CADM2: variants seen among roughly 807,000 people sequenced by gnomAD.
CADM2 encodes the protein cell adhesion molecule 2.
Under a neutral mutation model 49.8 loss-of-function variants are expected in CADM2, and 12 were observed. That is an observed-to-expected ratio of 0.24 (90% CI 0.15 to 0.39). The LOEUF (loss-of-function observed/expected upper bound fraction) is 0.39, where lower values mean the gene tolerates loss of function less well. Among genes scored for constraint, CADM2 ranks in the 10% least tolerant of loss-of-function variants. The pLI is 1.00. For synonymous variants in CADM2, 214 were observed against 175.4 expected (o/e 1.22, Z -1.74); for missense variants, 378 against 492.3 (o/e 0.77, Z 2.20).
At chr3:85,852,204 C>T (rs2075135020) in intron 3 of CADM2, among the ~76,000 whole-genome samples, 1 of 152,010 alleles carries the variant, frequency 6.6e-6, no homozygotes, top group African/African-American at 2.4e-5. Flanking sequence ...TGCTACTTGG[C>T]CCCTCTACAC....
chr3:85,467,784 T>G (rs1485294588), intron 1 of CADM2, among the ~76,000 whole-genome samples: 1 of 152,158 alleles, frequency 6.6e-6, no homozygotes, highest in African/African-American at 2.4e-5. Flanking sequence ...TTATCTTGTT[T>G]GTACTCCTCA....
rs1028125790 is a variant in CADM2 at position 85,736,702 on chromosome 3, T to A, written c.88+10154T>A. 2.0e-5 allele frequency among the ~76,000 whole-genome samples: 3 copies of A among 152,264 alleles called. No individual in the cohort carries two copies. In the East Asian group the frequency reaches 5.8e-4, roughly 29 times the overall value. The stretch of plus-strand genomic sequence containing the variant: ...TTATTCTAAGAACAATGGGAAGCCA[T>A]TAAGTGGTTTTAAAAGGGAATGGGG... On this transcript the variant is annotated intron_variant, in intron 2 of 9. Coordinates refer to ENST00000383699, the MANE Select transcript of CADM2 (RefSeq NM_001167675.2).
At chr3:85,584,927 C>G (rs1256522422) in intron 1 of CADM2, among the ~76,000 whole-genome samples, 1 of 151,956 alleles carries the variant, frequency 6.6e-6, no homozygotes, top group Non-Finnish European at 1.5e-5. Flanking sequence ...AGAGAATAAA[C>G]CTGAAGAGAG....
intron 1 of CADM2, among the ~76,000 whole-genome samples, chr3:85,331,787 C>A (rs537380607): frequency 6.6e-6 from 1 of 151,986 alleles, no homozygotes; most frequent in East Asian, 1.9e-4. Context: ...GCATTCATTA[C>A]GGCCTGTCTT....
chr3:85,724,396 C>G (rs1460942398), intron 1 of CADM2, among the ~76,000 whole-genome samples: 2 of 151,606 alleles, frequency 1.3e-5, no homozygotes, highest in Non-Finnish European at 3.0e-5. Context: ...AAATTTATGT[C>G]CTGAAGAAAT....
rs1331602009 is a variant in CADM2 at position 86,021,387 on chromosome 3, T to G, written c.971-44218T>G. 3.9e-4 allele frequency among the ~76,000 whole-genome samples: 59 copies of G among 152,314 alleles called. No homozygotes were observed. The South Asian group carries it at 0.012, about 31-fold the overall frequency. ...TTATGTTGCTTCCCGGAGGAATATA[T>G]TTCCTTCTGTCCTATATCAGTGATG... On this transcript the variant is annotated intron_variant, in intron 8 of 9. Transcript: ENST00000383699.
At position 85,541,508 on chromosome 3, in the gene CADM2, TA is replaced by T. The variant is rs2061537264; in HGVS notation, c.62-185007del. Among the ~76,000 whole-genome samples the T allele has an allele frequency of 2.0e-5, 3 of 149,992 alleles. No individual in the cohort carries two copies. In the South Asian group the frequency reaches 6.3e-4, roughly 31 times the overall value. ...AAAGGAAAGATAGGAGAACTTATATTAAAAAAATGACTAGGTACATTACTAC... is the reference window on the plus strand; with the variant it reads ...AAAGGAAAGATAGGAGAACTTATATTAAAAAATGACTAGGTACATTACTAC... On this transcript the variant is annotated intron_variant, in intron 1 of 9. Coordinates refer to ENST00000383699, the MANE Select transcript of CADM2 (RefSeq NM_001167675.2).
chr3:85,892,813 T>C (rs1559725964), intron 5 of CADM2, among the ~76,000 whole-genome samples: 2 of 152,038 alleles, frequency 1.3e-5, no homozygotes, highest in Non-Finnish European at 2.9e-5. Flanking sequence ...GGCAGAAAGA[T>C]AGGGACAGTT....
chr3:85,392,132 C>T (rs1023929036), intron 1 of CADM2, among the ~76,000 whole-genome samples: 7 of 152,018 alleles, frequency 4.6e-5, no homozygotes, highest in African/African-American at 1.7e-4. Flanking sequence ...GATGCCAGGA[C>T]TTTGAAATTA....
chr3:85,156,647 G>C (rs936214715), intron 1 of CADM2, among the ~76,000 whole-genome samples: 2 of 151,882 alleles, frequency 1.3e-5, no homozygotes, highest in Non-Finnish European at 2.9e-5. Flanking sequence ...CATCCTTCAT[G>C]CTAAAAACTC....
intron 1 of CADM2, among the ~76,000 whole-genome samples, chr3:85,549,238 C>A (rs1486495257): frequency 6.6e-6 from 1 of 152,060 alleles, no homozygotes; most frequent in Non-Finnish European, 1.5e-5. Flanking sequence ...GGCAGAGCAA[C>A]CTGCAGAGTT....
In CADM2 at chr3:85,981,410, A is replaced by T. The variant is rs189452541; in HGVS notation, c.970+19763A>T. Among the ~76,000 whole-genome samples, 472 of 151,642 alleles carry T rather than the reference A, an allele frequency of 3.1e-3. 1 individual carries two copies. Among genetic ancestry groups the T allele is most frequent in the Non-Finnish European group, 5.0e-3 (337 of 67,724 alleles). ...ACATGTAGAAATTTGTTACATTGGT[A>T]AACTAAATGTTGCTGGGATTTGGTG... On this transcript the variant is annotated intron_variant, in intron 8 of 9. Coordinates refer to ENST00000383699, the MANE Select transcript of CADM2 (RefSeq NM_001167675.2).
rs1489144210 is a variant in CADM2, at chr3:85,316,366, T to A, written c.61+356698T>A. Among the ~76,000 whole-genome samples, 4 of 152,198 alleles carry A rather than the reference T, an allele frequency of 2.6e-5. No homozygotes were observed. In the East Asian group the frequency reaches 5.8e-4, roughly 22 times the overall value. On this transcript the variant is annotated intron_variant, in intron 1 of 9. Transcript: ENST00000383699. Reference sequence around the variant, plus strand: ...TTAAATTGTGAAGCAGAATCACAGGTTAGCTGTAGAGGTATTCTAATCCTC... The same window carrying A: ...TTAAATTGTGAAGCAGAATCACAGGATAGCTGTAGAGGTATTCTAATCCTC...
intron 1 of CADM2, among the ~76,000 whole-genome samples, chr3:85,387,864 G>T (rs1167523045): frequency 6.6e-6 from 1 of 152,078 alleles, no homozygotes; most frequent in African/African-American, 2.4e-5. Flanking sequence ...TAGCACCCAA[G>T]TTCTATAGCA....
chr3:85,400,455 T>A (rs562444301), intron 1 of CADM2, among the ~76,000 whole-genome samples: 4 of 152,328 alleles, frequency 2.6e-5, no homozygotes, highest in Admixed American at 2.6e-4. Flanking sequence ...AGGATGATAC[T>A]GGCCTCATAA....
chr3:85,563,411 T>TGAGGGGGG (rs138726875), intron 1 of CADM2, among the ~76,000 whole-genome samples: 1 of 142,042 alleles, frequency 7.0e-6, no homozygotes. Context: ...TGTGTGTGTG[T>TGAGGGGGG]GGGGGGGTGG....
chr3:85,770,494 TTA>T (rs1239238450), intron 2 of CADM2, among the ~76,000 whole-genome samples: 1 of 152,046 alleles, frequency 6.6e-6, no homozygotes. Flanking sequence ...ATTATTATTA[TTA>T]TTTGTAGATA....
At chr3:85,312,577 A>G (rs1175759665) in intron 1 of CADM2, among the ~76,000 whole-genome samples, 1 of 152,276 alleles carries the variant, frequency 6.6e-6, no homozygotes, top group Non-Finnish European at 1.5e-5. Flanking sequence ...TGGAATGTTT[A>G]CATCACTTAT....
chr3:85,954,736 A>T (rs1723837460), intron 7 of CADM2, among the ~76,000 whole-genome samples: 1 of 151,202 alleles, frequency 6.6e-6, no homozygotes, highest in Non-Finnish European at 1.5e-5. Context: ...TTTCAAATCC[A>T]TTTGTCAATT....
Sources: allele counts gnomAD v4.1 joint callset (sites outside exome capture counted in the v4.1 genomes callset), GRCh38; gene constraint gnomAD v4.1.1; transcripts MANE v1.5; gene names NCBI Gene and HGNC (gene_info 2026-07-23, HGNC 2026-07-21).